The following NEK5 variants were observed in gnomAD, a reference collection of about 807,000 sequenced individuals.
NEK5 encodes the protein serine/threonine-protein kinase Nek5.
Under a neutral mutation model 109.2 loss-of-function variants are expected in NEK5, and 88 were observed. The ratio of observed to expected loss-of-function variants is 0.81; its 90% confidence interval spans 0.68 to 0.96. NEK5 has a LOEUF of 0.96. Among genes scored for constraint, NEK5 ranks in the 40% least tolerant of loss-of-function variants. The pLI is 0.00. For missense variants in NEK5, 834 were observed against 920.7 expected (o/e 0.91, Z 1.22); for synonymous variants, 283 against 299.9 (o/e 0.94, Z 0.58).
rs1954354854 is a variant in NEK5, at chr13:52,035,677, A to G, written c.*1271T>C. 1 of 152,240 alleles carries G rather than the reference A, an allele frequency of 6.6e-6. No homozygotes were observed. Among genetic ancestry groups the G allele is most frequent in the Admixed American group, 6.5e-5 (1 of 15,284 alleles). The allele number at this position is 152,240 out of a possible 1,614,324, so 9.4% of individuals were successfully genotyped here. A position where few individuals can be genotyped will look rare whatever the true frequency, so the allele number is the denominator to read the frequency against. On this transcript the variant is annotated 3_prime_UTR_variant, in exon 24 of 24. Coordinates refer to ENST00000684899, the MANE Select transcript of NEK5 (RefSeq NM_001365552.1). ...TCTGGCACTGTGCTAATAACTATAT[A>G]AGAAAATCATTGTAAGATATAAAGA...
rs537647549 is a variant in NEK5 at position 52,088,027 on chromosome 13, A to G, written c.1276-573T>C. 7.3e-5 allele frequency among the ~76,000 whole-genome samples: 11 copies of G among 151,290 alleles called. No homozygotes were observed. The South Asian group carries it at 8.4e-4, about 11-fold the overall frequency. Reference sequence around the variant, plus strand: ...ACTGTAACCTTTGCCTCCCAAGCTTAAGCAATCCTCCGGCCTCAGCCCCCT... The same window carrying G: ...ACTGTAACCTTTGCCTCCCAAGCTTGAGCAATCCTCCGGCCTCAGCCCCCT... On this transcript the variant is annotated intron_variant, in intron 14 of 23. Transcript: ENST00000684899.
chr13:52,117,030 T>C (rs1269972090), intron 4 of NEK5, among the ~76,000 whole-genome samples: 1 of 152,104 alleles, frequency 6.6e-6, no homozygotes, highest in Non-Finnish European at 1.5e-5. Context: ...GCGATTCTCC[T>C]GCCTCAGCCT....
At chr13:52,090,290 A>G (rs1955251763) in intron 13 of NEK5, among the ~76,000 whole-genome samples, 1 of 152,200 alleles carries the variant, frequency 6.6e-6, no homozygotes, top group Non-Finnish European at 1.5e-5. Context: ...TCAGACCATA[A>G]GTTTTTTGGA....
At chr13:52,078,171 G>A (rs1373033734) in intron 17 of NEK5, among the ~76,000 whole-genome samples, 1 of 151,926 alleles carries the variant, frequency 6.6e-6, no homozygotes, top group Non-Finnish European at 1.5e-5. Context: ...TACAGTGAAT[G>A]GATCAATAAA....
intron 3 of NEK5, among the ~76,000 whole-genome samples, chr13:52,126,653 C>A (rs1956068657): frequency 6.6e-6 from 1 of 152,148 alleles, no homozygotes; most frequent in Admixed American, 6.5e-5. Context: ...GTGGCATGCA[C>A]CTGTAGTCCC....
At chr13:52,063,916 G>A (rs1201793234) in intron 21 of NEK5, among the ~76,000 whole-genome samples, 4 of 148,838 alleles carry the variant, frequency 2.7e-5, no homozygotes, top group African/African-American at 5.0e-5. Context: ...GTCAGCCCCT[G>A]CCAGGCCAGC....
intron 17 of NEK5, among the ~76,000 whole-genome samples, chr13:52,077,701 A>G (rs1268534951): frequency 1.3e-5 from 2 of 152,190 alleles, no homozygotes; most frequent in African/African-American, 4.8e-5. Flanking sequence ...AGTTAAATAT[A>G]CACCTACTAT....
intron 22 of NEK5, among the ~76,000 whole-genome samples, chr13:52,057,728 A>T (rs1297490372): frequency 1.3e-5 from 2 of 152,190 alleles, no homozygotes; most frequent in Admixed American, 1.3e-4. Flanking sequence ...AGATGCAGAA[A>T]AGGCCTTTGA....
chr13:52,088,384 A>C (rs1187852004), intron 14 of NEK5, among the ~76,000 whole-genome samples: 1 of 151,798 alleles, frequency 6.6e-6, no homozygotes, highest in Non-Finnish European at 1.5e-5. Flanking sequence ...CCTCCCAAGT[A>C]GCTGGGATTA....
chr13:52,050,044 C>A, intron 23 of NEK5, 60 bp downstream of exon 23: 2 of 569,042 alleles, frequency 3.5e-6, no homozygotes, highest in Non-Finnish European at 4.5e-6. Flanking sequence ...AATGTCTCAA[C>A]TGCAGCATTT....
chr13:52,087,727 G>T (rs1454495705), intron 14 of NEK5, among the ~76,000 whole-genome samples: 1 of 151,916 alleles, frequency 6.6e-6, no homozygotes, highest in African/African-American at 2.4e-5. Flanking sequence ...CTAGGCTCAA[G>T]CAATTGTCCT....
At chr13:52,088,408 T>C (rs1455573691) in intron 14 of NEK5, among the ~76,000 whole-genome samples, 3 of 151,740 alleles carry the variant, frequency 2.0e-5, no homozygotes, top group East Asian at 2.0e-4. Flanking sequence ...GTGTGCACCA[T>C]CATGCCTGGC....
chr13:52,055,193 G>A (rs1042315766), intron 22 of NEK5, among the ~76,000 whole-genome samples: 1 of 152,190 alleles, frequency 6.6e-6, no homozygotes, highest in Non-Finnish European at 1.5e-5. Flanking sequence ...GGAAGGAAGG[G>A]TATCAGTGAT....
chr13:52,128,649 G>T (rs913119757), intron 1 of NEK5, among the ~76,000 whole-genome samples: 2 of 152,164 alleles, frequency 1.3e-5, no homozygotes, highest in African/African-American at 4.8e-5. Flanking sequence ...GGAGGATCGG[G>T]TTCTGAGAGA....
intron 16 of NEK5, among the ~76,000 whole-genome samples, chr13:52,085,246 T>C (rs576180434): frequency 6.6e-6 from 1 of 152,288 alleles, no homozygotes; most frequent in East Asian, 1.9e-4. Flanking sequence ...CCTGCCTTCA[T>C]GTAAGGCATG....
chr13:52,054,952 T>C (rs1306596341), intron 22 of NEK5, among the ~76,000 whole-genome samples: 8 of 152,342 alleles, frequency 5.3e-5, no homozygotes, highest in Middle Eastern at 3.4e-3. Context: ...GGACGGAGAA[T>C]GACTTTGACA....
At chr13:52,051,391 C>CT (rs955337766) in intron 22 of NEK5, among the ~76,000 whole-genome samples, 16 of 152,290 alleles carry the variant, frequency 1.1e-4, no homozygotes, top group African/African-American at 3.6e-4. Context: ...TCTAATGACT[C>CT]TAAAACCCCT....
At chr13:52,078,062 G>A (rs866751134) in intron 17 of NEK5, among the ~76,000 whole-genome samples, 3 of 147,472 alleles carry the variant, frequency 2.0e-5, no homozygotes, top group Non-Finnish European at 4.5e-5. Context: ...CAACAAGGGC[G>A]AAACTTGTCT....
Position 52,127,584 on chromosome 13 carries a change from A to G in NEK5, c.-23+11T>C. ...TCAGAAAACTGATGACTAAAGTGTA[A>G]AAGAACTCACTTAGCTAAAACTTTC... On this transcript the variant is annotated intron_variant, in intron 2 of 23. Coordinates refer to ENST00000684899, the MANE Select transcript of NEK5 (RefSeq NM_001365552.1). 1.4e-6 allele frequency: 1 copy of G among 716,298 alleles called. No individual in the cohort carries two copies. The highest frequency in any genetic ancestry group is 2.5e-6 in the Non-Finnish European group (1 of 404,506). 44.4% of individuals were successfully genotyped at this position (716,298 alleles called of 1,614,324 possible). A position where few individuals can be genotyped will look rare whatever the true frequency, so the allele number is the denominator to read the frequency against.
Sources: allele counts gnomAD v4.1 joint callset (sites outside exome capture counted in the v4.1 genomes callset), GRCh38; gene constraint gnomAD v4.1.1; transcripts MANE v1.5; gene names NCBI Gene and HGNC (gene_info 2026-07-23, HGNC 2026-07-21).